Variants in ACSL3 observed in about 807,000 individuals in gnomAD.
ACSL3 encodes the protein fatty acid CoA ligase Acsl3.
ACSL3 carries 34 observed loss-of-function variants against 84.7 expected under a neutral mutation model. The ratio of observed to expected loss-of-function variants is 0.40; its 90% CI spans 0.31 to 0.53. The LOEUF (loss-of-function observed/expected upper bound fraction) is 0.53. Among genes scored for constraint, ACSL3 ranks in the 20% least tolerant of loss-of-function variants. The pLI, the probability that ACSL3 is intolerant of heterozygous loss-of-function variation, is 0.48. For synonymous variants in ACSL3, 315 were observed against 299.4 expected, an observed-to-expected ratio of 1.05 and a Z score of -0.54; for missense variants, 680 against 873.1, an observed-to-expected ratio of 0.78 and a Z score of 2.79.
intron 3 of ACSL3, among the ~76,000 whole-genome samples, chr2:222,907,375 C>T (rs1163464463): frequency 6.6e-6 from 1 of 152,208 alleles, no homozygotes; most frequent in Non-Finnish European, 1.5e-5. Flanking sequence ...GTGAAAAATG[C>T]TGGCTGCTTG....
At chr2:222,935,627 A>G (rs1039826930) in intron 16 of ACSL3, among the ~76,000 whole-genome samples, 1 of 152,216 alleles carries the variant, frequency 6.6e-6, no homozygotes, top group African/African-American at 2.4e-5. Context: ...TCCTTTGGAA[A>G]CCACTCCTGA....
chr2:222,874,299 A>G (rs1415018130), intron 1 of ACSL3, among the ~76,000 whole-genome samples: 1 of 152,256 alleles, frequency 6.6e-6, no homozygotes, highest in Non-Finnish European at 1.5e-5. Context: ...TGCTGGGATT[A>G]CAGGCGTGGG....
chr2:222,899,161 A>T (rs1195295726), intron 2 of ACSL3, among the ~76,000 whole-genome samples: 2 of 152,162 alleles, frequency 1.3e-5, no homozygotes, highest in Non-Finnish European at 2.9e-5. Flanking sequence ...AATACAGGAG[A>T]CTGATAGTTT....
intron 11 of ACSL3, among the ~76,000 whole-genome samples, chr2:222,925,396 CAG>C (rs1313310093): frequency 2.4e-4 from 36 of 149,938 alleles, no homozygotes; most frequent in Non-Finnish European, 2.4e-4. Flanking sequence ...TGCTTGAGGC[CAG>C]GAAATCAAGA....
At chr2:222,902,043 A>T (rs1440497503) in intron 3 of ACSL3, among the ~76,000 whole-genome samples, 2 of 151,464 alleles carry the variant, frequency 1.3e-5, no homozygotes, top group African/African-American at 4.8e-5. Context: ...AATTTAACAT[A>T]TTTTTGTTAC....
intron 14 of ACSL3, among the ~76,000 whole-genome samples, chr2:222,931,228 TC>T (rs529092078): frequency 5.7e-4 from 87 of 152,224 alleles, no homozygotes; most frequent in African/African-American, 2.0e-3. Context: ...CCTTTTAGGT[TC>T]TTTTTTTTTA....
At chr2:222,880,521 A>G (rs1356219697) in intron 1 of ACSL3, among the ~76,000 whole-genome samples, 1 of 152,012 alleles carries the variant, frequency 6.6e-6, no homozygotes, top group African/African-American at 2.4e-5. Context: ...GGTGATTAAT[A>G]ATATATAAAA....
chr2:222,922,970 A>G, intron 9 of ACSL3, 108 bp from the exon 10 acceptor site: 1 of 1,366,914 alleles, frequency 7.3e-7, no homozygotes, highest in Non-Finnish European at 1.0e-6. Flanking sequence ...TGCTTCTTAG[A>G]CTGTAAGTAC....
At chr2:222,894,308 A>G (rs1574532878) in intron 2 of ACSL3, among the ~76,000 whole-genome samples, 1 of 152,342 alleles carries the variant, frequency 6.6e-6, no homozygotes, top group African/African-American at 2.4e-5. Context: ...AATAGAGGTC[A>G]TACAGAGAAG....
intron 2 of ACSL3, among the ~76,000 whole-genome samples, chr2:222,889,474 T>G (rs1395175729): frequency 6.6e-6 from 1 of 152,246 alleles, no homozygotes; most frequent in Non-Finnish European, 1.5e-5. Flanking sequence ...GAACTCAACC[T>G]TTTCACGTTT....
chr2:222,922,649 G>A (rs2106130520), intron 8 of ACSL3, 59 bp from the exon 9 acceptor site: 2 of 1,604,148 alleles, frequency 1.2e-6, no homozygotes, highest in East Asian at 2.2e-5. Flanking sequence ...CCCATTATAG[G>A]GCACTTTTGG....
intron 12 of ACSL3, among the ~76,000 whole-genome samples, 198 bp from the exon 13 acceptor site, chr2:222,928,664 A>C (rs1696945689): frequency 6.6e-6 from 1 of 152,006 alleles, no homozygotes; most frequent in Non-Finnish European, 1.5e-5. Flanking sequence ...AAAAAAAAAA[A>C]AAAACCTCAA....
intron 2 of ACSL3, among the ~76,000 whole-genome samples, chr2:222,898,044 T>C (rs916472424): frequency 2.6e-5 from 4 of 152,250 alleles, no homozygotes; most frequent in African/African-American, 9.6e-5. Flanking sequence ...ACACTTAAGC[T>C]CTTTTCAAGT....
chr2:222,915,288 T>C (rs2106123139), intron 4 of ACSL3, among the ~76,000 whole-genome samples: 1 of 149,918 alleles, frequency 6.7e-6, no homozygotes, highest in Middle Eastern at 3.4e-3. Context: ...TTAAATGCAG[T>C]TGCTTTATCC....
chr2:222,941,704 A>G lies in ACSL3; in HGVS notation c.*50A>G. On this transcript the variant is annotated 3_prime_UTR_variant, in exon 17 of 17. Coordinates refer to ENST00000357430, the MANE Select transcript of ACSL3 (RefSeq NM_004457.5). ...CTACAGTGAGCTCAGATCAAATAGG[A>G]AAATACTTGAAATGCATGTCTCAAG... The G allele has an allele frequency of 6.5e-7, 1 of 1,532,942 alleles. No homozygotes were observed. The highest frequency in any genetic ancestry group is 8.8e-7 in the Non-Finnish European group (1 of 1,136,076). The allele number at this position is 1,532,942 out of a possible 1,614,324, so 95.0% of individuals were successfully genotyped here.
intron 2 of ACSL3, among the ~76,000 whole-genome samples, chr2:222,892,027 C>A (rs1478001298): frequency 6.6e-6 from 1 of 152,078 alleles, no homozygotes. Context: ...GAGGTTCTTG[C>A]ATGGATTAAT....
intron 1 of ACSL3, among the ~76,000 whole-genome samples, chr2:222,873,149 A>T (rs939402336): frequency 6.6e-6 from 1 of 152,198 alleles, no homozygotes; most frequent in Non-Finnish European, 1.5e-5. Context: ...CAAACAGTTA[A>T]CTTTTTATGA....
intron 1 of ACSL3, among the ~76,000 whole-genome samples, chr2:222,871,410 A>G (rs1014604443): frequency 6.6e-6 from 1 of 152,124 alleles, no homozygotes; most frequent in Non-Finnish European, 1.5e-5. Context: ...AAAGTGAACA[A>G]AGTTCTGGGC....
At chr2:222,870,103 G>GTTT (rs60071249) in intron 1 of ACSL3, among the ~76,000 whole-genome samples, 7 of 140,406 alleles carry the variant, frequency 5.0e-5, no homozygotes, top group Admixed American at 1.4e-4. Context: ...TGGACTTCTG[G>GTTT]TTTTTTTTTT....
Sources: gnomAD v4.1 joint callset for allele counts (sites outside exome capture counted in the v4.1 genomes callset) on GRCh38, gnomAD v4.1.1 for gene constraint, MANE v1.5 for transcripts, NCBI Gene and HGNC (gene_info 2026-07-23, HGNC 2026-07-21) for gene names.